RARB: variants seen among roughly 807,000 people sequenced by gnomAD.
RARB encodes the protein HBV-activated protein.
RARB carries 17 observed loss-of-function variants against 51.9 expected under a neutral mutation model. The observed-to-expected ratio is 0.33, with a 90% confidence interval of 0.22 to 0.49. The LOEUF is 0.49. Among genes scored for constraint, RARB ranks in the 20% least tolerant of loss-of-function variants. The pLI is 0.99. For missense variants in RARB, 369 were observed against 550.8 expected, an observed-to-expected ratio of 0.67 and a Z score of 3.30; for synonymous variants, 215 against 195.4, an observed-to-expected ratio of 1.10 and a Z score of -0.84.
intron 2 of RARB, among the ~76,000 whole-genome samples, chr3:25,489,917 C>T (rs985906649): frequency 1.6e-4 from 25 of 152,068 alleles, no homozygotes; most frequent in Non-Finnish European, 2.6e-4. Context: ...CATTATCAGG[C>T]GTCAGCCTGG....
At chr3:25,461,138 A>G (rs1047841641) in intron 1 of RARB, 55 bp from the exon 2 acceptor site, 1 of 1,492,676 alleles carries the variant, frequency 6.7e-7, no homozygotes, top group Non-Finnish European at 8.9e-7. Flanking sequence ...TGAAAAAAGT[A>G]ATGAACTAAA....
intron 5 of RARB, among the ~76,000 whole-genome samples, chr3:25,364,876 C>T (rs1460812191): frequency 2.6e-5 from 4 of 152,144 alleles, no homozygotes; most frequent in Non-Finnish European, 4.4e-5. Flanking sequence ...TGAAAGATAT[C>T]GTTAAGTACT....
intron 5 of RARB, among the ~76,000 whole-genome samples, chr3:25,203,810 C>G (rs957772038): frequency 6.6e-6 from 1 of 152,206 alleles, no homozygotes; most frequent in Non-Finnish European, 1.5e-5. Flanking sequence ...TACTATTAGT[C>G]TGATGGGCTT....
At chr3:25,004,130 A>G (rs1465248994) in intron 2 of RARB, among the ~76,000 whole-genome samples, 1 of 152,066 alleles carries the variant, frequency 6.6e-6, no homozygotes, top group Non-Finnish European at 1.5e-5. Flanking sequence ...CCATTTCAAG[A>G]GCATGAAGGT....
intron 3 of RARB, among the ~76,000 whole-genome samples, chr3:25,084,420 T>G (rs1230207975): frequency 6.6e-6 from 1 of 152,204 alleles, no homozygotes; most frequent in African/African-American, 2.4e-5. Context: ...ACAAAACTTT[T>G]TTTTTTTGCT....
chr3:25,481,673 G>T (rs1428605465), intron 2 of RARB, among the ~76,000 whole-genome samples: 2 of 152,184 alleles, frequency 1.3e-5, no homozygotes, highest in Non-Finnish European at 2.9e-5. Flanking sequence ...TGTCCCTGTG[G>T]TACATTGCAG....
intron 2 of RARB, among the ~76,000 whole-genome samples, chr3:24,937,358 T>C (rs1695567638): frequency 2.6e-5 from 4 of 152,168 alleles, no homozygotes; most frequent in Admixed American, 1.3e-4. Context: ...CCAGTTCTCT[T>C]GCATGAAGAG....
intron 5 of RARB, among the ~76,000 whole-genome samples, chr3:25,187,773 C>G (rs1369432032): frequency 6.6e-6 from 1 of 152,000 alleles, no homozygotes; most frequent in African/African-American, 2.4e-5. Flanking sequence ...TATCTCTTTT[C>G]TGTGAAATAA....
intron 3 of RARB, among the ~76,000 whole-genome samples, chr3:25,515,805 A>G (rs895420739): frequency 6.6e-6 from 1 of 152,220 alleles, no homozygotes; most frequent in Non-Finnish European, 1.5e-5. Context: ...GGGGTGCTGG[A>G]CATTCTAAAC....
intron 5 of RARB, among the ~76,000 whole-genome samples, chr3:25,266,166 G>T (rs1432151229): frequency 6.6e-6 from 1 of 152,090 alleles, no homozygotes; most frequent in Non-Finnish European, 1.5e-5. Context: ...CATATTCACA[G>T]ATCCTGGGTG....
rs544723353 is a variant in RARB, at chr3:25,066,807, G to A, written c.-328+6631G>A. 5.3e-5 allele frequency among the ~76,000 whole-genome samples: 8 copies of A among 151,608 alleles called. No individual in the cohort carries two copies. The South Asian group carries it at 1.3e-3, about 24-fold the overall frequency. On this transcript the variant is annotated intron_variant, in intron 3 of 11. Coordinates refer to the RARB transcript ENST00000383772. Reference sequence around the variant, plus strand: ...GTTAATTGCCATATTATACTCCTTTGTCCTCATCTTATGTAAACCTCACAT... The same window carrying A: ...GTTAATTGCCATATTATACTCCTTTATCCTCATCTTATGTAAACCTCACAT...
chr3:24,960,788 C>T (rs1162453949), intron 2 of RARB, among the ~76,000 whole-genome samples: 5 of 150,606 alleles, frequency 3.3e-5, no homozygotes, highest in East Asian at 3.9e-4. Flanking sequence ...TTTGGTGTGT[C>T]GCATTGACAC....
chr3:24,941,622 C>T (rs1314580848), intron 2 of RARB, among the ~76,000 whole-genome samples: 4 of 152,144 alleles, frequency 2.6e-5, no homozygotes, highest in Non-Finnish European at 5.9e-5. Context: ...CCCACCTCAG[C>T]CTCCCAAAGT....
At chr3:24,940,801 C>T (rs1039269015) in intron 2 of RARB, among the ~76,000 whole-genome samples, 2 of 152,142 alleles carry the variant, frequency 1.3e-5, no homozygotes, top group African/African-American at 4.8e-5. Context: ...GGCTTCAGTC[C>T]CTTACTGACG....
At chr3:25,474,994 T>C (rs878969924) in intron 2 of RARB, among the ~76,000 whole-genome samples, 1 of 152,122 alleles carries the variant, frequency 6.6e-6, no homozygotes, top group African/African-American at 2.4e-5. Flanking sequence ...CTGTGCAAAA[T>C]TATGAATTAC....
intron 1 of RARB, among the ~76,000 whole-genome samples, chr3:24,848,134 A>G (rs1169432344): frequency 1.3e-5 from 2 of 152,198 alleles, no homozygotes; most frequent in Non-Finnish European, 2.9e-5. Flanking sequence ...ATCTCGGCTC[A>G]TTGCAACCTC....
At chr3:25,172,052 G>C (rs1347561) in intron 4 of RARB, among the ~76,000 whole-genome samples, 2,091 of 152,268 alleles carry the variant, frequency 0.014, 48 homozygotes, top group African/African-American at 0.048. Flanking sequence ...GAATTAGTGT[G>C]TTGTATAAGC....
chr3:24,964,440 T>C (rs961135032), intron 2 of RARB, among the ~76,000 whole-genome samples: 8 of 152,202 alleles, frequency 5.3e-5, no homozygotes, highest in African/African-American at 1.9e-4. Context: ...GAGTCATCTT[T>C]TCAAGACCTG....
At chr3:25,062,405 T>C (rs1169626841) in intron 3 of RARB, among the ~76,000 whole-genome samples, 1 of 151,930 alleles carries the variant, frequency 6.6e-6, no homozygotes, top group Non-Finnish European at 1.5e-5. Context: ...CTTTTTCTAG[T>C]GTGAAATTGA....
Sources: gnomAD v4.1 joint callset for allele counts (sites outside exome capture counted in the v4.1 genomes callset) on GRCh38, gnomAD v4.1.1 for gene constraint, MANE v1.5 for transcripts, NCBI Gene and HGNC (gene_info 2026-07-23, HGNC 2026-07-21) for gene names.